Variants in KIZ observed in about 807,000 individuals in gnomAD.
The protein encoded by KIZ is kizuna centrosomal protein.
KIZ carries 68 observed loss-of-function variants against 79.6 expected under a neutral mutation model. That is an observed-to-expected ratio of 0.85 (90% CI 0.70 to 1.05). The LOEUF is 1.05. Among genes scored for constraint, KIZ ranks in the 50% least tolerant of loss-of-function variants. The pLI is 0.00. For missense variants in KIZ, 797 were observed against 800.4 expected, an observed-to-expected ratio of 1.00 and a Z score of 0.05; for synonymous variants, 280 against 281.8, an observed-to-expected ratio of 0.99 and a Z score of 0.06.
intron 6 of KIZ, chr20:21,166,148 A>ATTTTTTT (rs34056823): frequency 8.5e-5 from 57 of 668,530 alleles, no homozygotes; most frequent in East Asian, 2.6e-4. Flanking sequence ...TGTATTTTGT[A>ATTTTTTT]TTTTTTTTTT....
At chr20:21,178,225 A>G (rs2034515556) in intron 6 of KIZ, among the ~76,000 whole-genome samples, 1 of 152,082 alleles carries the variant, frequency 6.6e-6, no homozygotes, top group African/African-American at 2.4e-5. Flanking sequence ...AATTCTTTCC[A>G]TTTGCTTGTA....
chr20:21,176,320 A>G (rs2103976), intron 6 of KIZ, among the ~76,000 whole-genome samples: 86,997 of 151,818 alleles, frequency 0.57, 26,987 homozygotes, highest in South Asian at 0.78. Flanking sequence ...AAATCAGTCA[A>G]TCAATCAATC....
intron 4 of KIZ, chr20:21,151,421 C>CT (rs2033109193): frequency 6.6e-6 from 1 of 151,966 alleles, no homozygotes; most frequent in Non-Finnish European, 1.5e-5. Context: ...GACAGAGGCT[C>CT]TAACAAGTGA....
rs749374975 is a variant in KIZ at position 21,215,595 on chromosome 20, G to T, written c.1625G>T (p.Gly542Val). ...VPTREQEVSS[G>V]CGDKSKKENV... ...ATTCAATTTTTAGAAGTTTCAAGTG[G>T]CTGTGGAGACAAGAGCAAGAAAGAA... Residue 542 changes from glycine to valine, a missense_variant, in exon 9 of 13, where the codon GGC becomes GTC. Coordinates refer to ENST00000619189, the MANE Select transcript of KIZ (RefSeq NM_018474.6). 1.3e-6 allele frequency: 2 copies of T among 1,599,354 alleles called. No homozygotes were observed. The highest frequency in any genetic ancestry group is 2.7e-5 in the African/African-American group (2 of 74,522).
rs995703279 is a variant in KIZ, at chr20:21,210,896, A to T, written c.1447-3639A>T. On this transcript the variant is annotated intron_variant, in intron 7 of 12. Transcript: ENST00000619189. ...ATTAGCTATTTGTATTTCTTTTTTCATAATTTGCCAGCTCATGTTCTTTGC... is the reference window on the plus strand; with the variant it reads ...ATTAGCTATTTGTATTTCTTTTTTCTTAATTTGCCAGCTCATGTTCTTTGC... Among the ~76,000 whole-genome samples, 6 of 151,996 alleles carry T rather than the reference A, an allele frequency of 3.9e-5. No homozygotes were observed. The East Asian group carries it at 1.2e-3, about 29-fold the overall frequency.
chr20:21,145,508 A>G (rs1600379847), intron 3 of KIZ, 57 bp from the exon 4 acceptor site: 1 of 791,824 alleles, frequency 1.3e-6, no homozygotes. Context: ...CGCAGTATAC[A>G]GACAGGTGCT....
At chr20:21,212,086 C>T (rs2036092436) in intron 7 of KIZ, among the ~76,000 whole-genome samples, 1 of 152,060 alleles carries the variant, frequency 6.6e-6, no homozygotes, top group South Asian at 2.1e-4. Context: ...GAGACTCTGT[C>T]TCAAAAAGAA....
chr20:21,240,184 G>A (rs909000550), intron 11 of KIZ, among the ~76,000 whole-genome samples: 28 of 152,056 alleles, frequency 1.8e-4, no homozygotes, highest in Admixed American at 6.5e-5. Context: ...GAGTGCAGTG[G>A]TGCAATGTCA....
chr20:21,234,471 G>T (rs936441644), intron 11 of KIZ, among the ~76,000 whole-genome samples: 2 of 151,914 alleles, frequency 1.3e-5, no homozygotes, highest in Non-Finnish European at 2.9e-5. Flanking sequence ...TGTTTGTCAC[G>T]GTTTGGTTCT....
intron 6 of KIZ, among the ~76,000 whole-genome samples, chr20:21,170,911 A>T (rs2034177317): frequency 6.6e-6 from 1 of 152,218 alleles, no homozygotes; most frequent in South Asian, 2.1e-4. Flanking sequence ...CACTTAACGT[A>T]ATGACCTCCA....
intron 4 of KIZ, among the ~76,000 whole-genome samples, chr20:21,147,452 T>G (rs1374692900): frequency 6.6e-6 from 1 of 152,246 alleles, no homozygotes; most frequent in African/African-American, 2.4e-5. Flanking sequence ...ATCCTTATAC[T>G]AATTCCTGAA....
chr20:21,173,549 G>A (rs1365960428), intron 6 of KIZ, among the ~76,000 whole-genome samples: 1 of 138,850 alleles, frequency 7.2e-6, no homozygotes, highest in Admixed American at 7.9e-5. Context: ...CTGGACTCCA[G>A]CCTGGGCAAC....
chr20:21,163,961 G>GTAAACAACCTAAGTAAATAACCTAA (rs2122713978), intron 6 of KIZ, among the ~76,000 whole-genome samples: 1 of 152,270 alleles, frequency 6.6e-6, no homozygotes, highest in South Asian at 2.1e-4. Context: ...AACAACCTAA[G>GTAAACAACCTAAGTAAATAACCTAA]GTAGATCTCA....
At chr20:21,183,692 A>ATT (rs111482721) in intron 6 of KIZ, among the ~76,000 whole-genome samples, 3,035 of 151,898 alleles carry the variant, frequency 0.02, 97 homozygotes, top group African/African-American at 0.068. Flanking sequence ...AAATTACAGG[A>ATT]TTTTTTTTTG....
chr20:21,171,970 C>G (rs1312975698), intron 6 of KIZ, among the ~76,000 whole-genome samples: 1 of 152,148 alleles, frequency 6.6e-6, no homozygotes. Flanking sequence ...ATAGGTGAAG[C>G]CTTCTTGGAC....
At chr20:21,162,758 C>A in intron 5 of KIZ, 92 bp from the exon 6 acceptor site, 1 of 1,044,468 alleles carries the variant, frequency 9.6e-7, no homozygotes, top group South Asian at 1.7e-5. Context: ...GTTGCTTCTC[C>A]ATGTTTTTAA....
chr20:21,163,169 T>C lies in KIZ; in HGVS notation c.1352+10T>C. On this transcript the variant is annotated intron_variant, in intron 6 of 12. Transcript: ENST00000619189. ...ACGCACCAACAAGAGAGTAAGCCAT[T>C]CAATTTTTTTTTTCTACTGTTCTGT... The C allele has an allele frequency of 1.3e-6, 2 of 1,578,468 alleles. No homozygotes were observed. The highest frequency in any genetic ancestry group is 1.7e-6 in the Non-Finnish European group (2 of 1,162,676).
chr20:21,163,405 T>C (rs2033788632), intron 6 of KIZ, among the ~76,000 whole-genome samples: 1 of 152,200 alleles, frequency 6.6e-6, no homozygotes, highest in African/African-American at 2.4e-5. Flanking sequence ...TGAATCATGG[T>C]GATTGCAGCT....
intron 9 of KIZ, among the ~76,000 whole-genome samples, chr20:21,219,822 T>C (rs913614078): frequency 6.6e-6 from 1 of 152,192 alleles, no homozygotes; most frequent in African/African-American, 2.4e-5. Flanking sequence ...TTAAAGAGTC[T>C]GCTATCACTT....
Sources: gnomAD v4.1 joint callset for allele counts (sites outside exome capture counted in the v4.1 genomes callset) on GRCh38, gnomAD v4.1.1 for gene constraint, MANE v1.5 for transcripts, NCBI Gene and HGNC (gene_info 2026-07-23, HGNC 2026-07-21) for gene names.